Variants in RBFOX1 observed in about 807,000 individuals in gnomAD.
RBFOX1 encodes RNA binding fox-1 homolog 1.
A neutral mutation model predicts 57.7 loss-of-function variants in RBFOX1; 8 were observed. That is an observed-to-expected ratio of 0.14 (90% CI 0.08 to 0.25). The LOEUF is 0.25. RBFOX1 is among the 10% of genes least tolerant of loss of function. The pLI is 1.00. For missense variants in RBFOX1, 611 were observed against 548.5 expected, an observed-to-expected ratio of 1.11 and a Z score of -1.14; for synonymous variants, 326 against 222.4, an observed-to-expected ratio of 1.47 and a Z score of -4.15.
chr16:6,811,174 T>C (rs760315042), intron 3 of RBFOX1, among the ~76,000 whole-genome samples: 2 of 152,132 alleles, frequency 1.3e-5, no homozygotes, highest in Non-Finnish European at 2.9e-5. Flanking sequence ...TTAAGTGATA[T>C]GAGAGTTTGG....
At chr16:5,281,188 C>G (rs2063263466) in intron 1 of RBFOX1, among the ~76,000 whole-genome samples, 1 of 152,116 alleles carries the variant, frequency 6.6e-6, no homozygotes, top group African/African-American at 2.4e-5. Flanking sequence ...TTCATTGATG[C>G]AATGATGATT....
At chr16:6,505,927 A>C (rs1434421811) in intron 2 of RBFOX1, among the ~76,000 whole-genome samples, 1 of 152,188 alleles carries the variant, frequency 6.6e-6, no homozygotes, top group East Asian at 1.9e-4. Context: ...CATACAGTTG[A>C]GTGGGGTCAG....
intron 1 of RBFOX1, among the ~76,000 whole-genome samples, chr16:5,315,745 T>C (rs2151233931): frequency 6.6e-6 from 1 of 152,294 alleles, no homozygotes; most frequent in South Asian, 2.1e-4. Context: ...CAGTCCTGCA[T>C]TGCTCCCTTC....
At chr16:5,439,706 A>G (rs2068027638) in intron 1 of RBFOX1, among the ~76,000 whole-genome samples, 1 of 152,094 alleles carries the variant, frequency 6.6e-6, no homozygotes, top group African/African-American at 2.4e-5. Context: ...TGACCTCCCA[A>G]AGTGCTGGGA....
intron 2 of RBFOX1, among the ~76,000 whole-genome samples, chr16:6,597,407 C>G (rs546227480): frequency 6.6e-6 from 1 of 152,072 alleles, no homozygotes; most frequent in Non-Finnish European, 1.5e-5. Context: ...GGCGCGGTGG[C>G]TCACACCAGT....
At chr16:5,867,274 A>C (rs761990863) in intron 3 of RBFOX1, 19 of 1,171,464 alleles carry the variant, frequency 1.6e-5, no homozygotes, top group Non-Finnish European at 2.0e-5. Context: ...TTGAATCAAT[A>C]CTAATGTCTT....
chr16:7,565,364 C>T (rs985765189), intron 5 of RBFOX1, among the ~76,000 whole-genome samples: 3 of 152,248 alleles, frequency 2.0e-5, no homozygotes, highest in Admixed American at 1.3e-4. Flanking sequence ...GAACTTTTCT[C>T]GATTGCTTTT....
chr16:6,811,448 C>G (rs993047005), intron 3 of RBFOX1, among the ~76,000 whole-genome samples: 4 of 151,946 alleles, frequency 2.6e-5, no homozygotes, highest in Admixed American at 6.6e-5. Context: ...TATTTTTTTC[C>G]TCTATGAATA....
At chr16:5,995,619 GGACA>G (rs1346451898) in intron 4 of RBFOX1, among the ~76,000 whole-genome samples, 1 of 152,194 alleles carries the variant, frequency 6.6e-6, no homozygotes, top group Non-Finnish European at 1.5e-5. Flanking sequence ...AAAATAGAAT[GGACA>G]GACAGAAATC....
At chr16:6,734,244 ATATC>A (rs1217902245) in intron 3 of RBFOX1, among the ~76,000 whole-genome samples, 7 of 152,138 alleles carry the variant, frequency 4.6e-5, no homozygotes, top group Non-Finnish European at 1.0e-4. Context: ...CTCCCATTGA[ATATC>A]TATGAATGCC....
chr16:7,381,518 T>C (rs1220241635), intron 4 of RBFOX1, among the ~76,000 whole-genome samples: 1 of 147,220 alleles, frequency 6.8e-6, no homozygotes, highest in Non-Finnish European at 1.5e-5. Flanking sequence ...TTTTTTTTTA[T>C]TTTATTAACA....
intron 6 of RBFOX1, among the ~76,000 whole-genome samples, chr16:7,582,089 G>T (rs544941452): frequency 6.6e-6 from 1 of 151,170 alleles, no homozygotes; most frequent in Non-Finnish European, 1.5e-5. Flanking sequence ...CAGTGAAGTG[G>T]CATGATCTCG....
At chr16:6,240,281 G>C (rs1431030191) in intron 1 of RBFOX1, among the ~76,000 whole-genome samples, 6 of 152,136 alleles carry the variant, frequency 3.9e-5, no homozygotes. Context: ...TTATAGCAGT[G>C]CAAGAGTGGC....
At chr16:6,718,019 C>A (rs951476071) in intron 3 of RBFOX1, among the ~76,000 whole-genome samples, 1 of 152,152 alleles carries the variant, frequency 6.6e-6, no homozygotes, top group African/African-American at 2.4e-5. Context: ...CCGTCATCAC[C>A]ACCATCATCA....
chr16:6,568,679 C>G (rs2097301551), intron 2 of RBFOX1, among the ~76,000 whole-genome samples: 1 of 152,150 alleles, frequency 6.6e-6, no homozygotes, highest in Non-Finnish European at 1.5e-5. Flanking sequence ...GAACATGTAA[C>G]TCTGTATAAC....
At chr16:6,963,572 G>A (rs915343601) in intron 3 of RBFOX1, among the ~76,000 whole-genome samples, 5 of 152,134 alleles carry the variant, frequency 3.3e-5, no homozygotes, top group Non-Finnish European at 7.4e-5. Context: ...GTGTTCTGTA[G>A]GATTTCAACT....
intron 10 of RBFOX1, among the ~76,000 whole-genome samples, chr16:7,629,981 C>T (rs866075935): frequency 6.6e-6 from 1 of 152,216 alleles, no homozygotes; most frequent in African/African-American, 2.4e-5. Context: ...ATTTTTCTTT[C>T]TCCGCCTTAC....
chr16:7,228,645 C>G (rs927123516), intron 4 of RBFOX1, among the ~76,000 whole-genome samples: 2 of 152,210 alleles, frequency 1.3e-5, no homozygotes, highest in African/African-American at 4.8e-5. Context: ...TCAGAATCTT[C>G]TTTTCTCTTT....
At chr16:6,459,983 T>TCAAAAAAAA (rs2094875125) in intron 2 of RBFOX1, among the ~76,000 whole-genome samples, 1 of 15,640 alleles carries the variant, frequency 6.4e-5, no homozygotes, top group Non-Finnish European at 1.2e-4. Flanking sequence ...AAACTCCATC[T>TCAAAAAAAA]CAAAAAAAAA....
Sources: gnomAD v4.1 joint callset for allele counts (sites outside exome capture counted in the v4.1 genomes callset) on GRCh38, gnomAD v4.1.1 for gene constraint, MANE v1.5 for transcripts, NCBI Gene and HGNC (gene_info 2026-07-23, HGNC 2026-07-21) for gene names.